LSAMP: variants seen among roughly 807,000 people sequenced by gnomAD.
LSAMP encodes the protein limbic system-associated membrane protein.
A neutral mutation model predicts 38.6 loss-of-function variants in LSAMP; 7 were observed. That is an observed-to-expected ratio of 0.18 (90% confidence interval 0.10 to 0.34). The LOEUF (loss-of-function observed/expected upper bound fraction) is 0.34. LSAMP is among the 10% of genes least tolerant of loss of function. LSAMP has a pLI of 1.00. For missense variants in LSAMP, 313 were observed against 420.0 expected, an observed-to-expected ratio of 0.75 and a Z score of 2.23; for synonymous variants, 154 against 166.8, an observed-to-expected ratio of 0.92 and a Z score of 0.59.
chr3:116,310,119 A>G (rs1301408916), intron 1 of LSAMP, among the ~76,000 whole-genome samples: 2 of 152,200 alleles, frequency 1.3e-5, no homozygotes, highest in African/African-American at 2.4e-5. Context: ...AAGAGAAAGA[A>G]TATTTATTTT....
intron 1 of LSAMP, among the ~76,000 whole-genome samples, chr3:116,161,651 GC>G (rs1709889666): frequency 6.6e-6 from 1 of 152,106 alleles, no homozygotes; most frequent in African/African-American, 2.4e-5. Context: ...AATGCTGACT[GC>G]CAAGAAAGTC....
chr3:115,837,354 A>C (rs1934823908), intron 6 of LSAMP, among the ~76,000 whole-genome samples: 1 of 151,594 alleles, frequency 6.6e-6, no homozygotes, highest in South Asian at 2.1e-4. Flanking sequence ...TTTATAATCC[A>C]CACATTTTTC....
At chr3:116,217,487 C>T (rs761397190) in intron 1 of LSAMP, among the ~76,000 whole-genome samples, 1 of 152,170 alleles carries the variant, frequency 6.6e-6, no homozygotes, top group Non-Finnish European at 1.5e-5. Flanking sequence ...TCATTTCTTC[C>T]AAATTAACCA....
At chr3:116,403,933 T>G (rs1576197171) in intron 1 of LSAMP, among the ~76,000 whole-genome samples, 1 of 151,450 alleles carries the variant, frequency 6.6e-6, no homozygotes, top group African/African-American at 2.4e-5. Context: ...TTTGTAATTT[T>G]TTTTTTTTAA....
chr3:116,235,439 A>G (rs1221218856), intron 1 of LSAMP, among the ~76,000 whole-genome samples: 1 of 152,088 alleles, frequency 6.6e-6, no homozygotes, highest in Non-Finnish European at 1.5e-5. Flanking sequence ...AGAATTACGC[A>G]TCCTCATGCA....
At chr3:115,882,216 C>T (rs1425610031) in intron 3 of LSAMP, among the ~76,000 whole-genome samples, 1 of 152,154 alleles carries the variant, frequency 6.6e-6, no homozygotes, top group Non-Finnish European at 1.5e-5. Flanking sequence ...CAATAACTCA[C>T]ATACACCTAA....
At chr3:116,377,320 A>G (rs961246818) in intron 1 of LSAMP, among the ~76,000 whole-genome samples, 1 of 152,046 alleles carries the variant, frequency 6.6e-6, no homozygotes, top group Admixed American at 6.6e-5. Context: ...ATAAGTGAGA[A>G]CATGTGGTGT....
chr3:116,368,095 G>A (rs928959711), intron 1 of LSAMP: 1 of 152,174 alleles, frequency 6.6e-6, no homozygotes, highest in African/African-American at 2.4e-5. Context: ...TTAGCTGCTT[G>A]ATAGGTTTTT....
chr3:116,132,557 G>T (rs1272242733), intron 1 of LSAMP, among the ~76,000 whole-genome samples: 1 of 152,148 alleles, frequency 6.6e-6, no homozygotes, highest in Non-Finnish European at 1.5e-5. Flanking sequence ...CATGTTTCTC[G>T]TGAACTTCTC....
At chr3:116,095,042 T>C (rs1708196747) in intron 1 of LSAMP, among the ~76,000 whole-genome samples, 1 of 152,188 alleles carries the variant, frequency 6.6e-6, no homozygotes, top group Admixed American at 6.5e-5. Context: ...GGAAAAACAT[T>C]GATTTCTCTA....
chr3:116,119,330 A>G (rs954338699), intron 1 of LSAMP, among the ~76,000 whole-genome samples: 9 of 151,962 alleles, frequency 5.9e-5, no homozygotes, highest in Admixed American at 3.9e-4. Flanking sequence ...TGTTACAGAA[A>G]TGGTTGGGAT....
intron 3 of LSAMP, among the ~76,000 whole-genome samples, chr3:115,897,794 TAGAAC>T (rs976395577): frequency 6.6e-6 from 1 of 152,134 alleles, no homozygotes; most frequent in Non-Finnish European, 1.5e-5. Context: ...CACTTTCTGT[TAGAAC>T]AGATTCAGAA....
intron 3 of LSAMP, among the ~76,000 whole-genome samples, chr3:115,953,134 G>A (rs1938344505): frequency 6.6e-6 from 1 of 152,112 alleles, no homozygotes; most frequent in African/African-American, 2.4e-5. Context: ...TGGCCATGGG[G>A]TATCTCCTTC....
At chr3:116,022,884 C>T (rs992562660) in intron 2 of LSAMP, among the ~76,000 whole-genome samples, 2 of 152,114 alleles carry the variant, frequency 1.3e-5, no homozygotes, top group African/African-American at 4.8e-5. Flanking sequence ...AAACTCAGGA[C>T]TAAAGTCATT....
chr3:116,431,402 A>T (rs1171989563), intron 1 of LSAMP, among the ~76,000 whole-genome samples: 3 of 152,094 alleles, frequency 2.0e-5, no homozygotes, highest in African/African-American at 7.2e-5. Flanking sequence ...GCTTCTAGTG[A>T]TCACTGCTTT....
At chr3:116,331,986 T>C (rs1048124265) in intron 1 of LSAMP, among the ~76,000 whole-genome samples, 6 of 151,936 alleles carry the variant, frequency 3.9e-5, no homozygotes, top group South Asian at 4.2e-4. Flanking sequence ...TACAAGAACA[T>C]GCCATCACAA....
chr3:116,125,127 G>A (rs1185509648), intron 1 of LSAMP, among the ~76,000 whole-genome samples: 1 of 152,144 alleles, frequency 6.6e-6, no homozygotes, highest in Non-Finnish European at 1.5e-5. Flanking sequence ...CTACTTGAAA[G>A]TAGAGAATGG....
chr3:116,074,289 A>T (rs796816064), intron 2 of LSAMP, among the ~76,000 whole-genome samples: 1 of 152,186 alleles, frequency 6.6e-6, no homozygotes, highest in Non-Finnish European at 1.5e-5. Context: ...GACAAGGAGG[A>T]AAATCCCCCA....
At chr3:116,370,429 A>T (rs2048415099) in intron 1 of LSAMP, among the ~76,000 whole-genome samples, 1 of 152,158 alleles carries the variant, frequency 6.6e-6, no homozygotes, top group African/African-American at 2.4e-5. Flanking sequence ...GGAACTCTAG[A>T]GTGTACTGAA....
Sources: gnomAD v4.1 joint callset for allele counts (sites outside exome capture counted in the v4.1 genomes callset) on GRCh38, gnomAD v4.1.1 for gene constraint, MANE v1.5 for transcripts, NCBI Gene and HGNC (gene_info 2026-07-23, HGNC 2026-07-21) for gene names.